ACAP2: variants seen among roughly 807,000 people sequenced by gnomAD.
The protein encoded by ACAP2 is ArfGAP with coiled-coil, ankyrin repeat and PH domains 2.
A neutral mutation model predicts 115.8 loss-of-function variants in ACAP2; 39 were observed. That is an observed-to-expected ratio of 0.34 (90% CI 0.26 to 0.44). ACAP2 has a LOEUF of 0.44. Among genes scored for constraint, ACAP2 ranks in the 20% least tolerant of loss-of-function variants. ACAP2 has a pLI of 1.00. For missense variants in ACAP2, 662 were observed against 927.6 expected, an observed-to-expected ratio of 0.71 and a Z score of 3.72; for synonymous variants, 289 against 315.8, an observed-to-expected ratio of 0.92 and a Z score of 0.90.
In ACAP2 at chr3:195,306,037, C is replaced by T. The variant is rs556817163; in HGVS notation, c.1116+474G>A. On this transcript the variant is annotated intron_variant, in intron 13 of 22. Coordinates refer to ENST00000326793, the MANE Select transcript of ACAP2 (RefSeq NM_012287.6). Reference sequence around the variant, plus strand: ...TCAGGACCCATTTACTCACTCACTGCGTTGCCCAAAAGACTTTCTTGGTAA... The same window carrying T: ...TCAGGACCCATTTACTCACTCACTGTGTTGCCCAAAAGACTTTCTTGGTAA... Among the ~76,000 whole-genome samples the T allele has an allele frequency of 3.3e-5, 5 of 152,158 alleles. No homozygotes were observed. The South Asian group carries it at 6.2e-4, about 19-fold the overall frequency.
At chr3:195,295,202 G>C in intron 17 of ACAP2, 1 of 1,287,748 alleles carries the variant, frequency 7.8e-7, no homozygotes, top group South Asian at 1.2e-5. Context: ...TTACTACTAC[G>C]CAGTTTTGAA....
At chr3:195,330,092 G>A (rs976203636) in intron 8 of ACAP2, among the ~76,000 whole-genome samples, 4 of 151,874 alleles carry the variant, frequency 2.6e-5, no homozygotes, top group South Asian at 2.1e-4. Flanking sequence ...GCAAGTATAC[G>A]CTACTGATTC....
rs10576915 is a variant in ACAP2 at position 195,424,224 on chromosome 3, A to ATGTG, written c.53+18567_53+18570dup. Among the ~76,000 whole-genome samples the ATGTG allele has an allele frequency of 1.9e-3, 215 of 113,268 alleles. 1 individual carries two copies. Among genetic ancestry groups the ATGTG allele is most frequent in the African/African-American group, 7.9e-3 (211 of 26,778 alleles). The allele number at this position is 113,268 out of a possible 152,430, so 74.3% of individuals were successfully genotyped here. ...TATATAAAATACTTAGAATGGTCAT[A>ATGTG]TGTGTGTGTGTGTGTGTGTGGTGTG... On this transcript the variant is annotated intron_variant, in intron 1 of 22. Transcript: ENST00000326793.
intron 1 of ACAP2, among the ~76,000 whole-genome samples, chr3:195,396,256 A>G (rs529487499): frequency 2.0e-4 from 31 of 152,160 alleles, no homozygotes; most frequent in African/African-American, 7.5e-4. Context: ...CATCTCAAAA[A>G]AAAACAAATA....
At chr3:195,431,736 C>T (rs148101659) in intron 1 of ACAP2, among the ~76,000 whole-genome samples, 1,793 of 151,826 alleles carry the variant, frequency 0.012, 30 homozygotes, top group African/African-American at 0.039. Context: ...CATGAGGCAC[C>T]GCACCCAGCC....
chr3:195,295,563 C>A (rs1281771388), intron 17 of ACAP2, 145 bp downstream of exon 17: 1 of 858,158 alleles, frequency 1.2e-6, no homozygotes, highest in Non-Finnish European at 1.8e-6. Flanking sequence ...TTTAAAGACA[C>A]AGAAATTCAG....
intron 1 of ACAP2, among the ~76,000 whole-genome samples, chr3:195,393,838 T>A (rs1711528826): frequency 7.0e-6 from 1 of 142,062 alleles, no homozygotes; most frequent in Non-Finnish European, 1.5e-5. Flanking sequence ...ATGAGGTTGA[T>A]CTGTATCTAC....
At chr3:195,288,099 CAAA>C (rs547624793) in intron 21 of ACAP2, among the ~76,000 whole-genome samples, 2 of 120,474 alleles carry the variant, frequency 1.7e-5, no homozygotes, top group South Asian at 2.6e-4. Context: ...AACTCTGTCT[CAAA>C]AAAAAAAAAA....
chr3:195,307,451 C>T (rs1728495741), intron 11 of ACAP2, 128 bp from the exon 12 acceptor site: 2 of 608,668 alleles, frequency 3.3e-6, no homozygotes, highest in Non-Finnish European at 5.7e-6. Context: ...ATTTTAGAAA[C>T]AGGGGTTATC....
intron 4 of ACAP2, among the ~76,000 whole-genome samples, chr3:195,367,129 A>G (rs1177462875): frequency 6.6e-6 from 1 of 151,860 alleles, no homozygotes; most frequent in Non-Finnish European, 1.5e-5. Context: ...GCTCTCAAAC[A>G]GTGGTTTTCA....
At chr3:195,420,635 G>A (rs1325486911) in intron 1 of ACAP2, among the ~76,000 whole-genome samples, 2 of 150,588 alleles carry the variant, frequency 1.3e-5, no homozygotes, top group Non-Finnish European at 2.9e-5. Context: ...GAGCCACTGC[G>A]CCCGGCCTGC....
At chr3:195,399,897 G>A (rs1342696936) in intron 1 of ACAP2, among the ~76,000 whole-genome samples, 1 of 151,972 alleles carries the variant, frequency 6.6e-6, no homozygotes, top group African/African-American at 2.4e-5. Context: ...CAGATAATAG[G>A]ACCGGGTGCA....
chr3:195,430,670 G>A (rs1715048399), intron 1 of ACAP2, among the ~76,000 whole-genome samples: 1 of 151,782 alleles, frequency 6.6e-6, no homozygotes, highest in Non-Finnish European at 1.5e-5. Flanking sequence ...AGCCGAGATT[G>A]CACCACTGCA....
intron 4 of ACAP2, among the ~76,000 whole-genome samples, chr3:195,367,050 GC>G (rs1396596206): frequency 2.2e-5 from 1 of 46,488 alleles, no homozygotes; most frequent in African/African-American, 8.7e-5. Flanking sequence ...CCCCAACCCC[GC>G]CAAAAAAAAA....
Position 195,301,599 on chromosome 3 carries a change from G to A in ACAP2, c.1371C>T (p.Asp457=), listed in dbSNP as rs145378472. Residue 457 remains aspartate (D), a synonymous_variant, in exon 15 of 23, where the codon GAC becomes GAT. Coordinates refer to ENST00000326793, the MANE Select transcript of ACAP2 (RefSeq NM_012287.6). ...HFSKVRSLTL[D]TWEPELLKLM... ...CCTTTAAAAGTTCTGGCTCCCAGGT[G>A]TCTAAAGTTAAAGATCGTACTTTTG... 9.9e-6 allele frequency: 16 copies of A among 1,613,100 alleles called. No homozygotes were observed. Among genetic ancestry groups the A allele is most frequent in the Non-Finnish European group, 1.4e-5 (16 of 1,179,812 alleles).
intron 10 of ACAP2, among the ~76,000 whole-genome samples, chr3:195,314,381 C>T (rs577285933): frequency 1.4e-4 from 22 of 152,054 alleles, no homozygotes; most frequent in Non-Finnish European, 2.9e-5. Context: ...GATTCTCCTG[C>T]CTCAGTTTCC....
At chr3:195,300,915 G>A (rs1292371537) in intron 15 of ACAP2, among the ~76,000 whole-genome samples, 1 of 152,082 alleles carries the variant, frequency 6.6e-6, no homozygotes. Context: ...TGCTTGGGGG[G>A]TCTGCAGCAC....
intron 1 of ACAP2, among the ~76,000 whole-genome samples, chr3:195,402,810 A>G (rs902732236): frequency 6.6e-6 from 1 of 152,236 alleles, no homozygotes; most frequent in African/African-American, 2.4e-5. Context: ...TGTTTTTTAA[A>G]AAACACCATT....
intron 22 of ACAP2, 90 bp from the exon 23 acceptor site, chr3:195,279,518 TCATTA>T (rs1314570570): frequency 2.7e-6 from 2 of 751,568 alleles, no homozygotes; most frequent in Non-Finnish European, 3.9e-6. Context: ...ATTTTATAAT[TCATTA>T]CATTAAAATT....
Sources: allele counts gnomAD v4.1 joint callset (sites outside exome capture counted in the v4.1 genomes callset), GRCh38; gene constraint gnomAD v4.1.1; transcripts MANE v1.5; gene names NCBI Gene and HGNC (gene_info 2026-07-23, HGNC 2026-07-21).